CTNNA2: variants seen among roughly 807,000 people sequenced by gnomAD.
CTNNA2 encodes catenin alpha 2.
In CTNNA2, 42 loss-of-function variants were observed where a neutral mutation model predicts 101.0. The observed-to-expected ratio is 0.42, with a 90% CI of 0.32 to 0.54. The LOEUF is 0.54. Ranked by LOEUF, CTNNA2 falls within the 20% of genes least tolerant of loss-of-function variation. The pLI is 0.14. For synonymous variants in CTNNA2, 450 were observed against 456.4 expected (o/e 0.99, Z 0.18); for missense variants, 871 against 1,223.1 (o/e 0.71, Z 4.29).
At chr2:79,948,504 T>C (rs1453798037) in intron 7 of CTNNA2, among the ~76,000 whole-genome samples, 1 of 152,252 alleles carries the variant, frequency 6.6e-6, no homozygotes, top group Non-Finnish European at 1.5e-5. Flanking sequence ...AGTGAAGTGC[T>C]GCAAACAGTG....
At chr2:79,929,962 C>G (rs186030183) in intron 7 of CTNNA2, among the ~76,000 whole-genome samples, 1 of 152,034 alleles carries the variant, frequency 6.6e-6, no homozygotes, top group African/African-American at 2.4e-5. Flanking sequence ...CCTGGCCAGC[C>G]GTGGTGGCAA....
intron 4 of CTNNA2, among the ~76,000 whole-genome samples, chr2:79,374,856 A>T (rs780135431): frequency 3.3e-5 from 5 of 152,138 alleles, no homozygotes; most frequent in Non-Finnish European, 5.9e-5. Context: ...GCAGAAAGAG[A>T]TTCATTCCAT....
At chr2:80,117,523 T>G in intron 7 of CTNNA2, among the ~76,000 whole-genome samples, 1 of 150,198 alleles carries the variant, frequency 6.7e-6, no homozygotes, top group East Asian at 2.0e-4. Context: ...CAAAAATGAC[T>G]TGCTGAAATG....
At chr2:79,686,347 C>G (rs191664684) in intron 2 of CTNNA2, among the ~76,000 whole-genome samples, 83 of 152,124 alleles carry the variant, frequency 5.5e-4, no homozygotes, top group African/African-American at 1.9e-3. Flanking sequence ...TTCCTGTGGC[C>G]GAAGGAGGAA....
intron 7 of CTNNA2, among the ~76,000 whole-genome samples, chr2:79,990,669 A>C (rs544347169): frequency 6.6e-6 from 1 of 152,354 alleles, no homozygotes; most frequent in African/African-American, 2.4e-5. Flanking sequence ...TTTTATGAAA[A>C]GGAGAAAAAG....
intron 7 of CTNNA2, chr2:80,328,196 T>C: frequency 2.2e-6 from 1 of 454,076 alleles, no homozygotes; most frequent in Non-Finnish European, 4.6e-6. Flanking sequence ...AGAGAGCAGA[T>C]GGACTGCTTT....
Position 80,303,154 on chromosome 2 carries a change from G to A in CTNNA2, c.1057-90057G>A, listed in dbSNP as rs140201940. On this transcript the variant is annotated intron_variant, in intron 7 of 18. Transcript: ENST00000402739. This position sits in a 1 kb window ranked among gnomAD's most constrained non-coding sequence, Gnocchi z 7.7. ...GCGGGAAGTGGGCGAAGTTCACCTT[G>A]ACCAAGTCGTTGTGCTCGAGGTGCA... 6.2e-7 allele frequency: 1 copy of A among 1,614,008 alleles called. No homozygotes were observed. The highest frequency in any genetic ancestry group is 1.3e-5 in the African/African-American group (1 of 74,916).
At chr2:80,214,972 C>G (rs1708162930) in intron 7 of CTNNA2, among the ~76,000 whole-genome samples, 1 of 152,082 alleles carries the variant, frequency 6.6e-6, no homozygotes. Context: ...ACTCTTTTTT[C>G]TCTAAACTTC....
intron 3 of CTNNA2, among the ~76,000 whole-genome samples, chr2:79,779,499 A>G (rs1019516257): frequency 6.6e-6 from 1 of 152,074 alleles, no homozygotes; most frequent in Non-Finnish European, 1.5e-5. Flanking sequence ...CTTTCTTTTC[A>G]TCCTTGTCCT....
At chr2:79,271,242 T>C (rs1305619845) in intron 2 of CTNNA2, among the ~76,000 whole-genome samples, 2 of 152,062 alleles carry the variant, frequency 1.3e-5, no homozygotes, top group African/African-American at 4.8e-5. Context: ...AATATCATGA[T>C]AATAGAGCCT....
At chr2:79,533,279 A>T (rs1672854221) in intron 1 of CTNNA2, among the ~76,000 whole-genome samples, 1 of 152,066 alleles carries the variant, frequency 6.6e-6, no homozygotes, top group Non-Finnish European at 1.5e-5. Flanking sequence ...AATGTCTTTA[A>T]AGCAGGGATA....
chr2:79,239,063 C>T (rs1382122718), intron 2 of CTNNA2, among the ~76,000 whole-genome samples: 1 of 151,948 alleles, frequency 6.6e-6, no homozygotes, highest in Non-Finnish European at 1.5e-5. Context: ...AACCCATCAC[C>T]CAGGTATTAA....
intron 7 of CTNNA2, among the ~76,000 whole-genome samples, chr2:79,995,843 T>G (rs774106815): frequency 2.6e-5 from 4 of 152,156 alleles, no homozygotes; most frequent in Admixed American, 6.5e-5. Context: ...CTTTGGAATA[T>G]GTTCTGTATT....
intron 7 of CTNNA2, among the ~76,000 whole-genome samples, chr2:80,083,814 A>G (rs1411596481): frequency 6.6e-6 from 1 of 152,152 alleles, no homozygotes; most frequent in African/African-American, 2.4e-5. Context: ...AAGGCAATAC[A>G]TTTATGAATT....
At chr2:79,538,760 A>C (rs1438105224) in intron 1 of CTNNA2, among the ~76,000 whole-genome samples, 4 of 152,178 alleles carry the variant, frequency 2.6e-5, no homozygotes, top group African/African-American at 9.7e-5. Context: ...TATGGTCTTA[A>C]ATGCTATTCT....
chr2:79,751,940 T>C (rs1027149348), intron 3 of CTNNA2, among the ~76,000 whole-genome samples: 14 of 152,024 alleles, frequency 9.2e-5, no homozygotes, highest in Admixed American at 2.0e-4. Context: ...GTTGCAGGCA[T>C]TACAAAAAAA....
At chr2:79,802,144 A>G (rs1676216166) in intron 3 of CTNNA2, among the ~76,000 whole-genome samples, 1 of 152,130 alleles carries the variant, frequency 6.6e-6, no homozygotes, top group Non-Finnish European at 1.5e-5. Flanking sequence ...AATTGCATAG[A>G]TTGGTGCCAC....
intron 4 of CTNNA2, among the ~76,000 whole-genome samples, chr2:79,403,532 C>T (rs1035258076): frequency 1.3e-5 from 2 of 151,834 alleles, no homozygotes; most frequent in African/African-American, 4.8e-5. Flanking sequence ...AGAGAAAGCT[C>T]TATGAAACAG....
intron 7 of CTNNA2, among the ~76,000 whole-genome samples, chr2:80,069,045 C>G (rs952394050): frequency 6.6e-6 from 1 of 152,076 alleles, no homozygotes; most frequent in Middle Eastern, 3.2e-3. Context: ...CAAAATGTCC[C>G]CTGATAGGCT....
Sources: gnomAD v4.1 joint callset for allele counts (sites outside exome capture counted in the v4.1 genomes callset) on GRCh38, gnomAD v4.1.1 for gene constraint, Gnocchi (gnomAD v3.1) non-coding constraint, MANE v1.5 for transcripts, NCBI Gene and HGNC (gene_info 2026-07-23, HGNC 2026-07-21) for gene names.